The following SHC3 variants were observed in gnomAD, a reference collection of about 807,000 sequenced individuals.
The protein encoded by SHC3 is SHC-transforming protein 3.
A neutral mutation model predicts 60.4 loss-of-function variants in SHC3; 15 were observed. That is an observed-to-expected ratio of 0.25 (90% confidence interval 0.17 to 0.38). The LOEUF is 0.38. Among genes scored for constraint, SHC3 ranks in the 10% least tolerant of loss-of-function variants. SHC3 has a pLI of 1.00. For synonymous variants in SHC3, 294 were observed against 325.9 expected (o/e 0.90, Z 1.05); for missense variants, 677 against 786.1 (o/e 0.86, Z 1.66).
At chr9:89,035,473 A>T (rs1027556406) in intron 11 of SHC3, among the ~76,000 whole-genome samples, 3 of 152,170 alleles carry the variant, frequency 2.0e-5, no homozygotes, top group African/African-American at 7.2e-5. Flanking sequence ...AGCCATAAGG[A>T]TGTAATAGCA....
intron 6 of SHC3, among the ~76,000 whole-genome samples, chr9:89,062,869 G>A (rs1044334735): frequency 3.3e-5 from 5 of 152,202 alleles, no homozygotes; most frequent in Admixed American, 6.5e-5. Context: ...GAGCAGTTGG[G>A]AGAAAGCCCT....
At chr9:89,028,962 A>T (rs1824423678) in intron 11 of SHC3, among the ~76,000 whole-genome samples, 5 of 148,722 alleles carry the variant, frequency 3.4e-5, no homozygotes, top group Admixed American at 1.3e-4. Context: ...TTATCTTCTG[A>T]GGCAGAATAT....
intron 1 of SHC3, among the ~76,000 whole-genome samples, chr9:89,134,366 A>G (rs1826291303): frequency 6.6e-6 from 1 of 152,156 alleles, no homozygotes; most frequent in South Asian, 2.1e-4. Context: ...CATATTATCT[A>G]GAGTTAAAGG....
intron 2 of SHC3, among the ~76,000 whole-genome samples, chr9:89,080,768 C>CTT (rs11445164): frequency 5.8e-4 from 74 of 127,178 alleles, no homozygotes; most frequent in Non-Finnish European, 8.8e-4. Context: ...TGTATGTATA[C>CTT]TTTTTTTTTT....
intron 5 of SHC3, among the ~76,000 whole-genome samples, chr9:89,068,501 A>G (rs1305779835): frequency 6.6e-6 from 1 of 152,256 alleles, no homozygotes; most frequent in Non-Finnish European, 1.5e-5. Context: ...TCAATTTGGA[A>G]TGTAATCTCA....
intron 11 of SHC3, among the ~76,000 whole-genome samples, chr9:89,015,988 A>G (rs988037315): frequency 2.6e-5 from 4 of 152,224 alleles, no homozygotes; most frequent in African/African-American, 9.6e-5. Context: ...AGTAAGCAGG[A>G]GGAAAGAAAT....
At chr9:89,143,037 C>G (rs1444039800) in intron 1 of SHC3, among the ~76,000 whole-genome samples, 8 of 152,006 alleles carry the variant, frequency 5.3e-5, no homozygotes, top group Admixed American at 3.9e-4. Flanking sequence ...GGATCTCGCA[C>G]AAGAAAGAAT....
chr9:89,135,260 A>T (rs1166259859), intron 1 of SHC3, among the ~76,000 whole-genome samples: 2 of 152,148 alleles, frequency 1.3e-5, no homozygotes, highest in African/African-American at 4.8e-5. Context: ...TTTCTACAGC[A>T]GTCCCTGTGC....
At chr9:89,082,576 T>A (rs988666542) in intron 2 of SHC3, among the ~76,000 whole-genome samples, 31 of 152,168 alleles carry the variant, frequency 2.0e-4, no homozygotes, top group African/African-American at 7.2e-4. Context: ...CCCTCCTCCA[T>A]GGGAGGACTC....
intron 1 of SHC3, among the ~76,000 whole-genome samples, chr9:89,152,641 T>G (rs1826561154): frequency 6.6e-6 from 1 of 152,354 alleles, no homozygotes; most frequent in Middle Eastern, 3.4e-3. Flanking sequence ...ATTGGAATAA[T>G]GTGAAGTTCC....
At chr9:89,133,585 A>G (rs945095083) in intron 1 of SHC3, among the ~76,000 whole-genome samples, 1 of 152,210 alleles carries the variant, frequency 6.6e-6, no homozygotes, top group Non-Finnish European at 1.5e-5. Flanking sequence ...GCAGCCATAA[A>G]AAAGGATGAG....
At chr9:89,044,419 TA>T (rs752991700) in intron 9 of SHC3, among the ~76,000 whole-genome samples, 116 of 152,326 alleles carry the variant, frequency 7.6e-4, no homozygotes, top group Non-Finnish European at 1.4e-3. Context: ...GAGGACATTT[TA>T]AAAATGTATT....
rs961804893 is a variant in SHC3, at chr9:89,005,977, G to C, written c.*7470C>G. 6.6e-6 allele frequency: 1 copy of C among 152,176 alleles called. No homozygotes were observed. Among genetic ancestry groups the C allele is most frequent in the Non-Finnish European group, 1.5e-5 (1 of 68,034 alleles). The allele number at this position is 152,176 out of a possible 1,614,324, so 9.4% of individuals were successfully genotyped here. On this transcript the variant is annotated 3_prime_UTR_variant, in exon 12 of 12. Coordinates refer to ENST00000375835, the MANE Select transcript of SHC3 (RefSeq NM_016848.6). ...TCATGCTTTTAAGTTGTATCTACAA[G>C]TGCAAAACTGCAACACCCAAATGTT... is the stretch of plus-strand genomic sequence containing the variant.
At chr9:89,099,016 C>T (rs1825745774) in intron 2 of SHC3, among the ~76,000 whole-genome samples, 1 of 151,918 alleles carries the variant, frequency 6.6e-6, no homozygotes, top group Admixed American at 6.6e-5. Context: ...AAGAAATATG[C>T]AGGATTCCTT....
chr9:89,071,259 G>T lies in SHC3; in HGVS notation c.730-7C>A. The T allele has an allele frequency of 6.2e-7, 1 of 1,614,062 alleles. No homozygotes were observed. The highest frequency in any genetic ancestry group is 1.3e-5 in the African/African-American group (1 of 75,036). On this transcript the variant is annotated splice_region_variant and splice_polypyrimidine_tract_variant and intron_variant, in intron 4 of 11. Transcript: ENST00000375835. ...TGTGGTGATTCGCTATGATCTGCCA[G>T]GCCCAAAACAAGAAACGAGATGTGC... is the stretch of plus-strand genomic sequence containing the variant.
chr9:89,170,309 T>G (rs543956636), intron 1 of SHC3, among the ~76,000 whole-genome samples: 42 of 152,332 alleles, frequency 2.8e-4, no homozygotes, highest in African/African-American at 9.9e-4. Flanking sequence ...GGGCCCACCA[T>G]GGCCAGAAGA....
At chr9:89,138,686 G>A (rs1826352216) in intron 1 of SHC3, among the ~76,000 whole-genome samples, 1 of 152,196 alleles carries the variant, frequency 6.6e-6, no homozygotes, top group African/African-American at 2.4e-5. Flanking sequence ...AGATGGAGTT[G>A]CTCTGGTTCA....
intron 11 of SHC3, among the ~76,000 whole-genome samples, chr9:89,035,774 T>G (rs1027463112): frequency 6.7e-6 from 1 of 149,602 alleles, no homozygotes; most frequent in Non-Finnish European, 1.5e-5. Context: ...CTGGCCAATA[T>G]GGAGAAAACC....
rs988147488 is a variant in SHC3 at position 89,005,829 on chromosome 9, T to G, written c.*7618A>C. The G allele has an allele frequency of 6.6e-6, 1 of 152,228 alleles. No individual in the cohort carries two copies. Among genetic ancestry groups the G allele is most frequent in the African/African-American group, 2.4e-5 (1 of 41,460 alleles). The allele number at this position is 152,228 out of a possible 1,614,324, so 9.4% of individuals were successfully genotyped here. ...TTACATGTATAGTCCTTTAAACAAT[T>G]AACTGTTTAGAAAATGGTTGTTTCT... On this transcript the variant is annotated 3_prime_UTR_variant, in exon 12 of 12. Transcript: ENST00000375835.
Sources: allele counts gnomAD v4.1 joint callset (sites outside exome capture counted in the v4.1 genomes callset), GRCh38; gene constraint gnomAD v4.1.1; transcripts MANE v1.5; gene names NCBI Gene and HGNC (gene_info 2026-07-23, HGNC 2026-07-21).